ADAMTS20: variants seen among roughly 807,000 people sequenced by gnomAD.
ADAMTS20 encodes A disintegrin and metalloproteinase with thrombospondin motifs 20.
In ADAMTS20, 225 loss-of-function variants were observed where a neutral mutation model predicts 260.1. The ratio of observed to expected loss-of-function variants is 0.87; its 90% CI spans 0.78 to 0.97. The LOEUF (loss-of-function observed/expected upper bound fraction) is 0.97, where lower values mean the gene tolerates loss of function less well. ADAMTS20 is among the 50% of genes least tolerant of loss of function. ADAMTS20 has a pLI of 0.00. For missense variants in ADAMTS20, 2,400 were observed against 2,337.7 expected (o/e 1.03, Z -0.55); for synonymous variants, 802 against 769.5 (o/e 1.04, Z -0.70).
In ADAMTS20 at chr12:43,409,601, C is replaced by CAA. The variant is rs67474640; in HGVS notation, c.4285-10370_4285-10369dup. Among the ~76,000 whole-genome samples the CAA allele has an allele frequency of 3.6e-4, 17 of 46,908 alleles. 1 individual carries two copies. Among genetic ancestry groups the CAA allele is most frequent in the African/African-American group, 5.7e-4 (4 of 6,966 alleles). 30.8% of individuals were successfully genotyped at this position (46,908 alleles called of 152,430 possible). A position where few individuals can be genotyped will look rare whatever the true frequency, so the allele number is the denominator to read the frequency against. ...TGGGCGACAGAGCGAGACTCCGTCT[C>CAA]AAAAAAAAAAAAAAAAAAAAAAAAA... is the stretch of plus-strand genomic sequence containing the variant. On this transcript the variant is annotated intron_variant, in intron 28 of 38. Coordinates refer to ENST00000389420, the MANE Select transcript of ADAMTS20 (RefSeq NM_025003.5).
rs571336513 is a variant in ADAMTS20, at chr12:43,478,105, T to C, written c.1118-9400A>G. ...GATATGTGAATTTTCAGATACGTAATATAAAATTATTCCACATAAGATGTT... is the reference window on the plus strand; with the variant it reads ...GATATGTGAATTTTCAGATACGTAACATAAAATTATTCCACATAAGATGTT... On this transcript the variant is annotated intron_variant, in intron 7 of 38. Coordinates refer to ENST00000389420, the MANE Select transcript of ADAMTS20 (RefSeq NM_025003.5). Among the ~76,000 whole-genome samples the C allele has an allele frequency of 4.7e-4, 72 of 152,302 alleles. 2 individuals carry two copies. The highest frequency in any genetic ancestry group is 1.6e-3 in the African/African-American group (67 of 41,580).
chr12:43,450,098 T>C (rs1941837684), intron 14 of ADAMTS20, among the ~76,000 whole-genome samples: 1 of 152,162 alleles, frequency 6.6e-6, no homozygotes, highest in Admixed American at 6.6e-5. Flanking sequence ...ACTCTGCAAA[T>C]AGTCTTAGCT....
intron 13 of ADAMTS20, 43 bp from the exon 14 acceptor site, chr12:43,452,453 A>C (rs1432870523): frequency 6.2e-7 from 1 of 1,606,916 alleles, no homozygotes. Context: ...TATAATAATA[A>C]AGCTATGTGT....
At chr12:43,375,031 G>T (rs997746963) in intron 36 of ADAMTS20, among the ~76,000 whole-genome samples, 1 of 152,164 alleles carries the variant, frequency 6.6e-6, no homozygotes, top group Non-Finnish European at 1.5e-5. Context: ...AGTTAGCTGG[G>T]CATGGTGGCG....
chr12:43,396,904 C>T (rs1480771703), intron 29 of ADAMTS20, among the ~76,000 whole-genome samples: 1 of 152,094 alleles, frequency 6.6e-6, no homozygotes, highest in Non-Finnish European at 1.5e-5. Context: ...ATATTGGTGG[C>T]CAAGACACAA....
intron 28 of ADAMTS20, 121 bp downstream of exon 28, chr12:43,425,390 ACAT>A (rs1941312342): frequency 1.2e-6 from 1 of 839,520 alleles, no homozygotes; most frequent in Non-Finnish European, 1.7e-6. Flanking sequence ...GCAAACCTGC[ACAT>A]CTTGCACATG....
intron 31 of ADAMTS20, among the ~76,000 whole-genome samples, chr12:43,379,983 T>C (rs1233976893): frequency 7.9e-6 from 1 of 126,794 alleles, no homozygotes; most frequent in African/African-American, 4.2e-5. Flanking sequence ...CAGACAGACA[T>C]CACAAAAAAA....
chr12:43,521,080 A>G (rs1414661595), intron 3 of ADAMTS20, among the ~76,000 whole-genome samples: 2 of 152,226 alleles, frequency 1.3e-5, no homozygotes, highest in Non-Finnish European at 2.9e-5. Context: ...TTTCTGGTAA[A>G]TGCCTGATCC....
intron 5 of ADAMTS20, 69 bp from the exon 6 acceptor site, chr12:43,492,698 G>T: frequency 6.5e-7 from 1 of 1,549,542 alleles, no homozygotes; most frequent in Non-Finnish European, 8.8e-7. Context: ...AAGTTTATCA[G>T]CATCTGCACA....
chr12:43,474,043 C>A (rs1942308841), intron 7 of ADAMTS20, among the ~76,000 whole-genome samples: 2 of 151,724 alleles, frequency 1.3e-5, no homozygotes, highest in Non-Finnish European at 1.5e-5. Flanking sequence ...ATCAATGAAT[C>A]CAGGAAGCTG....
chr12:43,531,556 C>T (rs957646955), intron 3 of ADAMTS20, among the ~76,000 whole-genome samples: 8 of 151,950 alleles, frequency 5.3e-5, no homozygotes, highest in African/African-American at 1.9e-4. Flanking sequence ...TATCATATGA[C>T]CTTATTTATA....
In ADAMTS20 at chr12:43,519,984, A is replaced by C. The variant is rs11182125; in HGVS notation, c.613+12052T>G. On this transcript the variant is annotated intron_variant, in intron 3 of 38. Transcript: ENST00000389420. ...ATTATTAAATGCCATGGCAAAAAAG[A>C]AATGATTTAACAAAAAACTGGGCAG... Among the ~76,000 whole-genome samples, 44 of 152,322 alleles carry C rather than the reference A, an allele frequency of 2.9e-4. No homozygotes were observed. In the East Asian group the frequency reaches 6.9e-3, roughly 24 times the overall value.
intron 28 of ADAMTS20, among the ~76,000 whole-genome samples, chr12:43,415,606 C>T (rs763742477): frequency 1.3e-5 from 2 of 152,096 alleles, no homozygotes; most frequent in Non-Finnish European, 2.9e-5. Context: ...TTAAAAAATA[C>T]CCTCCTTAGT....
chr12:43,519,253 T>C (rs901163032), intron 3 of ADAMTS20, among the ~76,000 whole-genome samples: 10 of 152,114 alleles, frequency 6.6e-5, no homozygotes, highest in Non-Finnish European at 1.5e-4. Flanking sequence ...CATAATTTTC[T>C]ATTAAAGAGC....
chr12:43,409,570 C>CCAG (rs1940987523), intron 28 of ADAMTS20, among the ~76,000 whole-genome samples: 1 of 118,344 alleles, frequency 8.4e-6, no homozygotes, highest in African/African-American at 3.7e-5. Context: ...CCACTGCACT[C>CCAG]CAGCCTGGGC....
chr12:43,548,527 A>C (rs1353662957), intron 2 of ADAMTS20, among the ~76,000 whole-genome samples: 1 of 141,512 alleles, frequency 7.1e-6, no homozygotes, highest in Admixed American at 7.0e-5. Flanking sequence ...AAAATCTACC[A>C]GGTTCTATTA....
In ADAMTS20 at chr12:43,425,702, A is replaced by G; in HGVS notation, c.4108-12T>C. ...CATGTTTGTGAACACTAAAAACAAG[A>G]ATAGGAAAATTCAAAACTGTGGTTT... On this transcript the variant is annotated splice_polypyrimidine_tract_variant and intron_variant, in intron 27 of 38. Coordinates refer to ENST00000389420, the MANE Select transcript of ADAMTS20 (RefSeq NM_025003.5). The G allele has an allele frequency of 1.9e-6, 3 of 1,556,618 alleles. No homozygotes were observed. Among genetic ancestry groups the G allele is most frequent in the Non-Finnish European group, 1.7e-6 (2 of 1,144,188 alleles).
At chr12:43,353,197 G>T (rs1413895072), downstream of ADAMTS20, among the ~76,000 whole-genome samples, 1 of 151,546 alleles carries the variant, frequency 6.6e-6, no homozygotes, top group Admixed American at 6.6e-5. Flanking sequence ...CTGAGAATTT[G>T]CCAATTAATA....
chr12:43,443,935 A>T (rs1941714653), intron 15 of ADAMTS20, 52 bp from the exon 16 acceptor site: 2 of 1,419,392 alleles, frequency 1.4e-6, no homozygotes, highest in Non-Finnish European at 9.9e-7. Context: ...GATGGCCCAG[A>T]GGTTATTACT....
Sources: gnomAD v4.1 joint callset for allele counts (sites outside exome capture counted in the v4.1 genomes callset) on GRCh38, gnomAD v4.1.1 for gene constraint, MANE v1.5 for transcripts, NCBI Gene and HGNC (gene_info 2026-07-23, HGNC 2026-07-21) for gene names.